Variants in MICU3 observed in about 807,000 individuals in gnomAD.
MICU3 encodes the protein mitochondrial calcium uptake 3, also known as calcium uptake protein 3, mitochondrial.
Under a neutral mutation model 66.5 loss-of-function variants are expected in MICU3, and 62 were observed. That is an observed-to-expected ratio of 0.93 (90% CI 0.76 to 1.15). The LOEUF (loss-of-function observed/expected upper bound fraction) is 1.15, where lower values mean the gene tolerates loss of function less well. MICU3 is among the 50% of genes most tolerant of loss of function. The probability of loss-of-function intolerance (pLI) is 0.00; values close to 1 mark genes in which losing one functional copy is unlikely to be tolerated. For synonymous variants in MICU3, 308 were observed against 240.7 expected, an observed-to-expected ratio of 1.28 and a Z score of -2.59; for missense variants, 779 against 664.4, an observed-to-expected ratio of 1.17 and a Z score of -1.90.
chr8:17,101,977 T>C (rs1749362934), intron 9 of MICU3, among the ~76,000 whole-genome samples: 1 of 151,896 alleles, frequency 6.6e-6, no homozygotes, highest in African/African-American at 2.4e-5. Context: ...ACCACAACCC[T>C]TTGGGATAGA....
At chr8:17,104,713 C>CTGGATTGATTGTTATCTCTTGTATATTCA (rs1801584291) in intron 10 of MICU3, among the ~76,000 whole-genome samples, 8 of 118,972 alleles carry the variant, frequency 6.7e-5, no homozygotes, top group East Asian at 4.4e-4. Context: ...TTCCAGATAT[C>CTGGATTGATTGTTATCTCTTGTATATTCA]GGCCGGGCGC....
chr8:17,081,660 T>G, intron 4 of MICU3, 33 bp from the exon 5 acceptor site: 1 of 646,120 alleles, frequency 1.5e-6, no homozygotes, highest in South Asian at 2.4e-5. Context: ...GAACAATATT[T>G]TATATATATA....
In MICU3 at chr8:17,027,469, T is replaced by TG; in HGVS notation, c.196dup (p.Glu66GlyfsTer71). 1 of 1,287,952 alleles carries TG rather than the reference T, an allele frequency of 7.8e-7. No homozygotes were observed. Among genetic ancestry groups the TG allele is most frequent in the South Asian group, 2.7e-5 (1 of 37,224 alleles). 79.8% of individuals were successfully genotyped at this position (1,287,952 alleles called of 1,614,324 possible). ...GGCGGCATGGAGGCGGCGGCGGCGC[T>TG]GGGGGGAGCTGAGCGTGGCGGCGGC... On this transcript the variant is annotated frameshift_variant, in exon 1 of 15. Coordinates refer to ENST00000318063, the MANE Select transcript of MICU3 (RefSeq NM_181723.3). LOFTEE classifies it high-confidence loss of function.
intron 9 of MICU3, 149 bp downstream of exon 9, chr8:17,098,702 G>A: frequency 1.8e-6 from 1 of 549,296 alleles, no homozygotes; most frequent in Non-Finnish European, 3.2e-6. Flanking sequence ...TATAAACTGT[G>A]TATTTGAATA....
At chr8:17,079,087 G>A (rs751118960) in intron 4 of MICU3, among the ~76,000 whole-genome samples, 6 of 151,956 alleles carry the variant, frequency 3.9e-5, no homozygotes, top group Non-Finnish European at 8.8e-5. Context: ...TTAAGGGGAG[G>A]GTTTAATCTG....
chr8:17,061,196 T>C (rs1817770424), intron 1 of MICU3, among the ~76,000 whole-genome samples: 1 of 152,162 alleles, frequency 6.6e-6, no homozygotes, highest in South Asian at 2.1e-4. Context: ...GAGAGAGGAC[T>C]GCAGGCTTTG....
chr8:17,027,387 G>A lies in MICU3; in HGVS notation c.108G>A (p.Leu36=), dbSNP rs200397681. 2,785 of 1,455,164 alleles carry A rather than the reference G, an allele frequency of 1.9e-3. 44 individuals are homozygous for A. In the African/African-American group the frequency reaches 0.035, roughly 18 times the overall value. 90.1% of individuals were successfully genotyped at this position (1,455,164 alleles called of 1,614,324 possible). Residue 36 remains leucine, a synonymous_variant, in exon 1 of 15, where the codon CTG becomes CTA. Coordinates refer to ENST00000318063, the MANE Select transcript of MICU3 (RefSeq NM_181723.3). The part of the protein sequence containing the change: ...GPWGRPAVTT[L]GLPGRPFSSR... ...GGGGGCGGCCTGCGGTGACCACCCTGGGCCTTCCTGGCCGGCCCTTCTCCT... is the reference window on the plus strand; with the variant it reads ...GGGGGCGGCCTGCGGTGACCACCCTAGGCCTTCCTGGCCGGCCCTTCTCCT...
intron 13 of MICU3, 130 bp downstream of exon 13, chr8:17,116,730 A>G (rs915493913): frequency 1.5e-6 from 1 of 649,214 alleles, no homozygotes; most frequent in African/African-American, 1.9e-5. Flanking sequence ...TTGAAAAGAA[A>G]AAACATAGGC....
intron 7 of MICU3, among the ~76,000 whole-genome samples, chr8:17,087,568 A>G (rs904005060): frequency 2.0e-5 from 3 of 152,044 alleles, no homozygotes; most frequent in African/African-American, 4.8e-5. Context: ...TTTTATCTGA[A>G]GTATTTCAGC....
chr8:17,091,123 T>A (rs891787661), intron 8 of MICU3, among the ~76,000 whole-genome samples: 1 of 152,156 alleles, frequency 6.6e-6, no homozygotes, highest in African/African-American at 2.4e-5. Context: ...TATATCAGTT[T>A]ATCATATTAT....
intron 1 of MICU3, among the ~76,000 whole-genome samples, chr8:17,052,205 T>A (rs1816210113): frequency 6.6e-6 from 1 of 151,712 alleles, no homozygotes; most frequent in South Asian, 2.1e-4. Context: ...GAGACTTAAA[T>A]TTTTTTTTGT....
In MICU3 at chr8:17,029,305, G is replaced by T. The variant is rs184209146; in HGVS notation, c.381+1645G>T. ...AGCCTGGCCAACATGGCGAAACCTC[G>T]TCTCTACTAAAAATACAAAAATCAG... On this transcript the variant is annotated intron_variant, in intron 1 of 14. Coordinates refer to ENST00000318063, the MANE Select transcript of MICU3 (RefSeq NM_181723.3). 9.5e-3 allele frequency among the ~76,000 whole-genome samples: 1,451 copies of T among 152,200 alleles called. 16 individuals carry two copies. The highest frequency in any genetic ancestry group is 0.082 in the Middle Eastern group (24 of 294).
chr8:17,056,127 C>T (rs1816883571), intron 1 of MICU3, among the ~76,000 whole-genome samples: 2 of 152,296 alleles, frequency 1.3e-5, no homozygotes, highest in African/African-American at 4.8e-5. Flanking sequence ...ATCCGAATCC[C>T]CTGTTTCAGA....
At chr8:17,052,138 G>A (rs10093837) in intron 1 of MICU3, among the ~76,000 whole-genome samples, 1 of 152,006 alleles carries the variant, frequency 6.6e-6, no homozygotes, top group Admixed American at 6.5e-5. Flanking sequence ...GTATGTGAAA[G>A]TACTTTATAA....
chr8:17,045,792 A>C (rs990486362), intron 1 of MICU3, among the ~76,000 whole-genome samples: 5 of 152,244 alleles, frequency 3.3e-5, no homozygotes, highest in African/African-American at 1.2e-4. Flanking sequence ...GCAAAGTCAC[A>C]TCTTACATGG....
chr8:17,042,446 T>C (rs1814309991), intron 1 of MICU3, among the ~76,000 whole-genome samples: 1 of 152,180 alleles, frequency 6.6e-6, no homozygotes. Flanking sequence ...TTAAAGAAAA[T>C]GCCTAGTCAT....
At chr8:17,123,984 G>A (rs1803337092), downstream of MICU3, among the ~76,000 whole-genome samples, 1 of 145,978 alleles carries the variant, frequency 6.9e-6, no homozygotes, top group African/African-American at 2.5e-5. Context: ...CCTCTGTTGT[G>A]CTTCTCAGAG....
At chr8:17,069,661 T>C in intron 2 of MICU3, 27 bp from the exon 3 acceptor site, 1 of 1,407,400 alleles carries the variant, frequency 7.1e-7, no homozygotes, top group South Asian at 1.3e-5. Flanking sequence ...ATTTATTATC[T>C]AATTATCTTA....
chr8:17,027,443 A>AGGC lies in MICU3; in HGVS notation c.168_170dup (p.Ala57dup), dbSNP rs761011203. On this transcript the variant is annotated inframe_insertion, in exon 1 of 15. Coordinates refer to ENST00000318063, the MANE Select transcript of MICU3 (RefSeq NM_181723.3). ...GAGGATGAGGAGAGGGCTGTGGCGG[A>AGGC]GGCGGCATGGAGGCGGCGGCGGCGC... is the stretch of plus-strand genomic sequence containing the variant. 1 of 1,305,920 alleles carries AGGC rather than the reference A, an allele frequency of 7.7e-7. No individual in the cohort carries two copies. The highest frequency in any genetic ancestry group is 2.5e-5 in the South Asian group (1 of 40,148). 80.9% of individuals were successfully genotyped at this position (1,305,920 alleles called of 1,614,324 possible). A position where few individuals can be genotyped will look rare whatever the true frequency, so the allele number is the denominator to read the frequency against.
Sources: allele counts gnomAD v4.1 joint callset (sites outside exome capture counted in the v4.1 genomes callset), GRCh38; gene constraint gnomAD v4.1.1; transcripts MANE v1.5; gene names NCBI Gene and HGNC (gene_info 2026-07-23, HGNC 2026-07-21).